The following RHAG variants were observed in gnomAD, a reference collection of about 807,000 sequenced individuals.
The protein encoded by RHAG is Rh associated glycoprotein.
In RHAG, 25 loss-of-function variants were observed where a neutral mutation model predicts 42.4. That is an observed-to-expected ratio of 0.59 (90% CI 0.43 to 0.82). RHAG has a LOEUF of 0.82. Ranked by LOEUF, RHAG falls within the 40% of genes least tolerant of loss-of-function variation. RHAG has a pLI of 0.00. For missense variants in RHAG, 483 were observed against 504.6 expected (o/e 0.96, Z 0.41); for synonymous variants, 182 against 177.7 (o/e 1.02, Z -0.19).
intron 9 of RHAG, among the ~76,000 whole-genome samples, chr6:49,606,089 G>A (rs947053712): frequency 2.6e-5 from 4 of 152,048 alleles, no homozygotes; most frequent in African/African-American, 4.8e-5. Context: ...CAAGCTTTGC[G>A]GGAAATAATT....
chr6:49,627,525 AC>A lies in RHAG; in HGVS notation c.158-8164del, dbSNP rs1195946416. On this transcript the variant is annotated intron_variant, in intron 1 of 9. Coordinates refer to ENST00000371175, the MANE Select transcript of RHAG (RefSeq NM_000324.3). Reference sequence around the variant, plus strand: ...CAAACTGTTTCAACCTCTGCTTGTTACCCATTTCCAAAGTTGCTTTCACATT... The same window carrying A: ...CAAACTGTTTCAACCTCTGCTTGTTACCATTTCCAAAGTTGCTTTCACATT... 2.0e-5 allele frequency among the ~76,000 whole-genome samples: 3 copies of A among 152,156 alleles called. No individual in the cohort carries two copies. The East Asian group carries it at 5.8e-4, about 29-fold the overall frequency.
At chr6:49,631,097 C>A (rs2180723) in intron 1 of RHAG, among the ~76,000 whole-genome samples, 1 of 151,896 alleles carries the variant, frequency 6.6e-6, no homozygotes, top group Non-Finnish European at 1.5e-5. Context: ...GTACTTCCCA[C>A]TAGATCACAT....
At chr6:49,625,582 G>C (rs990213083) in intron 1 of RHAG, among the ~76,000 whole-genome samples, 1 of 152,118 alleles carries the variant, frequency 6.6e-6, no homozygotes, top group East Asian at 1.9e-4. Flanking sequence ...GAACCTGACA[G>C]GATACAATTT....
At chr6:49,628,505 G>A (rs1038991660) in intron 1 of RHAG, among the ~76,000 whole-genome samples, 6 of 152,080 alleles carry the variant, frequency 3.9e-5, no homozygotes, top group African/African-American at 7.2e-5. Context: ...TTAAGGTGGC[G>A]TGTCTGGGTC....
intron 5 of RHAG, among the ~76,000 whole-genome samples, 193 bp downstream of exon 5, chr6:49,614,494 G>C (rs1268283): frequency 0.026 from 3,993 of 152,112 alleles, 189 homozygotes; most frequent in African/African-American, 0.091. Flanking sequence ...TAGCCACTGC[G>C]CCCAGCCCAG....
intron 1 of RHAG, among the ~76,000 whole-genome samples, chr6:49,620,506 G>C (rs1244847475): frequency 1.3e-5 from 2 of 151,986 alleles, no homozygotes; most frequent in African/African-American, 4.8e-5. Context: ...GGACAAACCT[G>C]AATGGGGCAC....
chr6:49,617,768 T>C (rs1425939293), intron 3 of RHAG, among the ~76,000 whole-genome samples: 1 of 152,134 alleles, frequency 6.6e-6, no homozygotes, highest in Admixed American at 6.6e-5. Flanking sequence ...ATTAGAAAAA[T>C]CTGGAGGTGA....
At chr6:49,612,826 A>G (rs142855842) in intron 5 of RHAG, among the ~76,000 whole-genome samples, 80 of 152,312 alleles carry the variant, frequency 5.3e-4, no homozygotes, top group Middle Eastern at 3.4e-3. Flanking sequence ...GTGGGAGGGT[A>G]GGAGTGTTTA....
Position 49,635,198 on chromosome 6 carries a change from T to C in RHAG, c.157+1458A>G, listed in dbSNP as rs1044852324. Among the ~76,000 whole-genome samples the C allele has an allele frequency of 2.0e-5, 3 of 150,150 alleles. No individual in the cohort carries two copies. The Admixed American group carries it at 2.0e-4, about 10-fold the overall frequency. Reference sequence around the variant, plus strand: ...TCAACCTGGTGTTGATCTCAAATTGTGAATTGAAATTTTACCTAGAAGCTT... The same window carrying C: ...TCAACCTGGTGTTGATCTCAAATTGCGAATTGAAATTTTACCTAGAAGCTT... On this transcript the variant is annotated intron_variant, in intron 1 of 9. Transcript: ENST00000371175.
intron 1 of RHAG, among the ~76,000 whole-genome samples, chr6:49,629,565 G>T (rs1762900492): frequency 6.6e-6 from 1 of 152,168 alleles, no homozygotes; most frequent in Non-Finnish European, 1.5e-5. Flanking sequence ...TCAGCCCTTG[G>T]GTGGTCGATG....
intron 1 of RHAG, among the ~76,000 whole-genome samples, chr6:49,623,806 G>A (rs894949645): frequency 1.3e-5 from 2 of 152,146 alleles, no homozygotes; most frequent in Non-Finnish European, 2.9e-5. Flanking sequence ...TGCTTTTAAG[G>A]ATTCATAGTA....
chr6:49,615,489 T>G, intron 4 of RHAG, 135 bp downstream of exon 4: 2 of 974,434 alleles, frequency 2.1e-6, no homozygotes, highest in Non-Finnish European at 3.2e-6. Context: ...GCCTCCTGAG[T>G]AGCTGAGGAT....
chr6:49,614,359 ATT>A (rs531446812), intron 5 of RHAG, among the ~76,000 whole-genome samples: 7 of 141,244 alleles, frequency 5.0e-5, no homozygotes, highest in African/African-American at 1.0e-4. Context: ...CGCCTGGCTA[ATT>A]TTTTTTTTTT....
chr6:49,615,720 C>A lies in RHAG; in HGVS notation c.544G>T (p.Gly182Cys). ...TACAAGATGCCTGCTACAGCCAAGCCAAAGTAGGCCCCAAAGGCATGGATC... is the reference window on the plus strand; with the variant it reads ...TACAAGATGCCTGCTACAGCCAAGCAAAAGTAGGCCCCAAAGGCATGGATC... ...MTIHAFGAYFGLAVAGILYRS... is the reference protein window; with the variant it reads ...MTIHAFGAYFCLAVAGILYRS... The change falls in exon 4 of 10, where the codon GGC (glycine) becomes TGC (cysteine). Residue 182 changes from glycine (G) to cysteine (C), a missense_variant. By Grantham distance (159) the Gly-to-Cys change is radical. Coordinates refer to ENST00000371175, the MANE Select transcript of RHAG (RefSeq NM_000324.3). 6.2e-7 allele frequency: 1 copy of A among 1,614,104 alleles called. No homozygotes were observed. Among genetic ancestry groups the A allele is most frequent in the Non-Finnish European group, 8.5e-7 (1 of 1,180,012 alleles).
chr6:49,632,060 C>G (rs1295753451), intron 1 of RHAG: 2 of 152,176 alleles, frequency 1.3e-5, no homozygotes, highest in Admixed American at 1.3e-4. Flanking sequence ...TGCAGACTGA[C>G]TTTCAGGGAG....
chr6:49,618,823 G>T (rs1762700564), intron 2 of RHAG, among the ~76,000 whole-genome samples: 1 of 152,200 alleles, frequency 6.6e-6, no homozygotes, highest in South Asian at 2.1e-4. Flanking sequence ...TGCTTGGACT[G>T]CTATAACAAA....
chr6:49,615,739 A>G lies in RHAG; in HGVS notation c.525T>C (p.His175=), dbSNP rs748821512. 2 of 1,614,184 alleles carry G rather than the reference A, an allele frequency of 1.2e-6. No individual in the cohort carries two copies. The highest frequency in any genetic ancestry group is 1.1e-5 in the South Asian group (1 of 91,080). Reference sequence around the variant, plus strand: ...CCAAGCCAAAGTAGGCCCCAAAGGCATGGATCGTCATTGATGCTCCAATGT... The same window carrying G: ...CCAAGCCAAAGTAGGCCCCAAAGGCGTGGATCGTCATTGATGCTCCAATGT... ...ASDIGASMTI[H]AFGAYFGLAV... is the part of the protein sequence containing the mutation. The change falls in exon 4 of 10, where the codon CAT becomes CAC. Residue 175 remains histidine, a synonymous_variant. Coordinates refer to ENST00000371175, the MANE Select transcript of RHAG (RefSeq NM_000324.3).
At chr6:49,629,113 C>A (rs1762892533) in intron 1 of RHAG, among the ~76,000 whole-genome samples, 1 of 152,110 alleles carries the variant, frequency 6.6e-6, no homozygotes, top group Non-Finnish European at 1.5e-5. Context: ...ACAGAGTATC[C>A]ACACAAAGGT....
At chr6:49,632,950 A>G (rs1450352664) in intron 1 of RHAG, among the ~76,000 whole-genome samples, 2 of 152,168 alleles carry the variant, frequency 1.3e-5, no homozygotes, top group Non-Finnish European at 2.9e-5. Flanking sequence ...ACCATGGAGT[A>G]TAGCTAGTTT....
Sources: gnomAD v4.1 joint callset for allele counts (sites outside exome capture counted in the v4.1 genomes callset) on GRCh38, gnomAD v4.1.1 for gene constraint, MANE v1.5 for transcripts, NCBI Gene and HGNC (gene_info 2026-07-23, HGNC 2026-07-21) for gene names.